Variants in IL1RAPL1 observed in about 807,000 individuals in gnomAD.
The protein encoded by IL1RAPL1 is interleukin 1 receptor accessory protein like 1, also known as interleukin-1 receptor accessory protein-like 1.
Under a neutral mutation model 48.4 loss-of-function variants are expected in IL1RAPL1, and 3 were observed. That is an observed-to-expected ratio of 0.06 (90% CI 0.03 to 0.16). The LOEUF (loss-of-function observed/expected upper bound fraction) is 0.16. Ranked by LOEUF, IL1RAPL1 falls within the 10% of genes least tolerant of loss-of-function variation. The probability of loss-of-function intolerance (pLI) is 1.00; values close to 1 mark genes in which losing one functional copy is unlikely to be tolerated. For missense variants in IL1RAPL1, 349 were observed against 530.6 expected, an observed-to-expected ratio of 0.66 and a Z score of 3.36; for synonymous variants, 185 against 187.7, an observed-to-expected ratio of 0.99 and a Z score of 0.12.
chrX:29,905,673 G>T (rs991218130), intron 6 of IL1RAPL1, among the ~76,000 whole-genome samples: 2 of 111,100 alleles, frequency 1.8e-5, no homozygotes, highest in Non-Finnish European at 3.8e-5. Flanking sequence ...GAAAAAAAGG[G>T]GGATAAGGAG....
At chrX:29,254,955 C>T (rs1294192500) in intron 2 of IL1RAPL1, among the ~76,000 whole-genome samples, 22 of 111,378 alleles carry the variant, frequency 2.0e-4, no homozygotes, top group Non-Finnish European at 7.6e-5. Context: ...TTATATTGCT[C>T]TTTAATTTTT....
chrX:29,322,205 TTTTC>T (rs1336813004), intron 3 of IL1RAPL1, among the ~76,000 whole-genome samples: 9 of 110,635 alleles, frequency 8.1e-5, no homozygotes, highest in Non-Finnish European at 1.5e-4. Flanking sequence ...TTTTCTTTCT[TTTTC>T]TTTCTTTCTT....
intron 2 of IL1RAPL1, among the ~76,000 whole-genome samples, chrX:29,026,989 C>G (rs890188155): frequency 1.8e-5 from 2 of 111,915 alleles, no homozygotes; most frequent in Non-Finnish European, 1.9e-5. Flanking sequence ...AATTTACATC[C>G]TCTACCAGAG....
intron 6 of IL1RAPL1, among the ~76,000 whole-genome samples, chrX:29,860,534 G>A (rs987363938): frequency 4.5e-5 from 5 of 110,104 alleles, no homozygotes; most frequent in African/African-American, 1.7e-4. Flanking sequence ...TGACAGGCCC[G>A]TGTGTGATGT....
chrX:29,161,131 C>T (rs1266269169), intron 2 of IL1RAPL1, among the ~76,000 whole-genome samples: 1 of 110,589 alleles, frequency 9.0e-6, no homozygotes, highest in African/African-American at 3.3e-5. Flanking sequence ...TATGAGTATA[C>T]AGCAGGGATA....
At chrX:29,544,198 C>T (rs189768149) in intron 5 of IL1RAPL1, among the ~76,000 whole-genome samples, 90 of 111,667 alleles carry the variant, frequency 8.1e-4, no homozygotes, top group African/African-American at 1.3e-3. Flanking sequence ...AATTCTCTTT[C>T]GTGGGAATTT....
chrX:29,439,692 A>G (rs145839943), intron 5 of IL1RAPL1, among the ~76,000 whole-genome samples: 1,708 of 110,754 alleles, frequency 0.015, 30 homozygotes, highest in African/African-American at 0.053. Flanking sequence ...AACTATAAAG[A>G]ATGTTTCCCT....
intron 5 of IL1RAPL1, among the ~76,000 whole-genome samples, chrX:29,658,130 C>A (rs1925740453): frequency 9.0e-6 from 1 of 111,308 alleles, no homozygotes; most frequent in South Asian, 3.7e-4. Context: ...AATATTGAAC[C>A]ACCTTTATTT....
chrX:29,418,090 AATATATATAT>A lies in IL1RAPL1; in HGVS notation c.703+18809_703+18818del, dbSNP rs1184407912. Among the ~76,000 whole-genome samples, 31 of 51,044 alleles carry A rather than the reference AATATATATAT, an allele frequency of 6.1e-4. 2 individuals carry two copies. Among genetic ancestry groups the A allele is most frequent in the South Asian group, 5.4e-3 (3 of 556 alleles). The allele number at this position is 51,044 out of a possible 115,157, so 44.3% of individuals were successfully genotyped here. Reference sequence around the variant, plus strand: ...AGAAACGTGTTCTTTTTAAAAAAGTAATATATATATATATATATATATATATATATATATA... The same window carrying A: ...AGAAACGTGTTCTTTTTAAAAAAGTAATATATATATATATATATATATATA... On this transcript the variant is annotated intron_variant, in intron 5 of 10. Transcript: ENST00000378993.
At chrX:29,304,542 G>A (rs927114430) in intron 3 of IL1RAPL1, among the ~76,000 whole-genome samples, 2 of 112,119 alleles carry the variant, frequency 1.8e-5, no homozygotes, top group African/African-American at 6.5e-5. Context: ...TGAAAAAAGA[G>A]ATGTATGATG....
intron 6 of IL1RAPL1, among the ~76,000 whole-genome samples, chrX:29,898,444 CAGTT>C (rs36002922): frequency 0.031 from 3,521 of 111,887 alleles, 110 homozygotes; most frequent in Admixed American, 0.14. Context: ...GGAATTCCAA[CAGTT>C]AGTTAGCACC....
chrX:29,009,464 C>T (rs1393220540), intron 2 of IL1RAPL1, among the ~76,000 whole-genome samples: 8 of 112,358 alleles, frequency 7.1e-5, no homozygotes, highest in African/African-American at 2.6e-4. Context: ...GGTCCAGTTT[C>T]TTTCTTTTGC....
chrX:29,873,468 A>G (rs1406804111), intron 6 of IL1RAPL1, among the ~76,000 whole-genome samples: 2 of 108,302 alleles, frequency 1.8e-5, no homozygotes, highest in Non-Finnish European at 3.8e-5. Flanking sequence ...CTCTGCCCTC[A>G]TGAATGGGAT....
rs531890268 is a variant in IL1RAPL1, at chrX:29,925,164, G to C, written c.1057+5070G>C. Among the ~76,000 whole-genome samples the C allele has an allele frequency of 9.0e-5, 10 of 110,936 alleles. No individual in the cohort carries two copies. The South Asian group carries it at 3.8e-3, about 42-fold the overall frequency. ...ATATGTTAAAGCCAAACTTCGTTCA[G>C]AAATCAAAACCTCCTACCTCTCTTT... On this transcript the variant is annotated intron_variant, in intron 8 of 10. Coordinates refer to ENST00000378993, the MANE Select transcript of IL1RAPL1 (RefSeq NM_014271.4).
At chrX:29,945,532 C>G (rs1438018790) in intron 9 of IL1RAPL1, among the ~76,000 whole-genome samples, 1 of 112,223 alleles carries the variant, frequency 8.9e-6, no homozygotes, top group African/African-American at 3.2e-5. Flanking sequence ...TAATAATATC[C>G]TACTATAGCA....
intron 2 of IL1RAPL1, among the ~76,000 whole-genome samples, chrX:29,031,668 TA>T (rs1390490092): frequency 8.9e-6 from 1 of 111,857 alleles, no homozygotes; most frequent in Non-Finnish European, 1.9e-5. Flanking sequence ...TTTGTGGGTT[TA>T]AAAAATTGAA....
chrX:29,398,716 A>G (rs765548967), intron 4 of IL1RAPL1, among the ~76,000 whole-genome samples: 1 of 112,244 alleles, frequency 8.9e-6, no homozygotes, highest in East Asian at 2.8e-4. Flanking sequence ...TTCCAGTAAA[A>G]TAATATGGTT....
In IL1RAPL1 at chrX:29,543,421, T is replaced by G. The variant is rs570052709; in HGVS notation, c.704-125009T>G. 4.5e-5 allele frequency among the ~76,000 whole-genome samples: 5 copies of G among 110,441 alleles called. No homozygotes were observed. The South Asian group carries it at 1.2e-3, about 26-fold the overall frequency. The stretch of plus-strand genomic sequence containing the variant: ...AGTAGCCCTCCTTCCTTGGATTGTC[T>G]GGTGTTCTAAAGCGTTTTTTAAAAG... On this transcript the variant is annotated intron_variant, in intron 5 of 10. Transcript: ENST00000378993.
At chrX:29,429,894 G>GTGTGTGT (rs34694649) in intron 5 of IL1RAPL1, among the ~76,000 whole-genome samples, 22,972 of 84,782 alleles carry the variant, frequency 0.27, 3,086 homozygotes, top group East Asian at 0.57. Context: ...GTGTGTGTGT[G>GTGTGTGT]GTGTGTGTGT....
Sources: allele counts gnomAD v4.1 joint callset (sites outside exome capture counted in the v4.1 genomes callset), GRCh38; gene constraint gnomAD v4.1.1; transcripts MANE v1.5; gene names NCBI Gene and HGNC (gene_info 2026-07-23, HGNC 2026-07-21).